SHE: variants seen among roughly 807,000 people sequenced by gnomAD.
SHE encodes SH2 domain-containing adapter protein E.
A neutral mutation model predicts 49.8 loss-of-function variants in SHE; 11 were observed. The ratio of observed to expected loss-of-function variants is 0.22; its 90% CI spans 0.14 to 0.37. SHE has a LOEUF of 0.37. SHE is among the 10% of genes least tolerant of loss of function. The probability of loss-of-function intolerance (pLI) is 1.00; values close to 1 mark genes in which losing one functional copy is unlikely to be tolerated. For synonymous variants in SHE, 310 were observed against 278.1 expected (o/e 1.11, Z -1.14); for missense variants, 624 against 655.5 (o/e 0.95, Z 0.52).
At chr1:154,486,274 C>T (rs1040867064) in intron 4 of SHE, among the ~76,000 whole-genome samples, 2 of 152,194 alleles carry the variant, frequency 1.3e-5, no homozygotes, top group Non-Finnish European at 2.9e-5. Context: ...AGTGAGTTAA[C>T]GGCGCTAGTG....
chr1:154,478,249 G>A (rs1435783739), downstream of SHE, among the ~76,000 whole-genome samples: 4 of 152,068 alleles, frequency 2.6e-5, no homozygotes, highest in African/African-American at 9.7e-5. Flanking sequence ...CTGCTGATGT[G>A]CAACAAATTA....
At chr1:154,476,780 A>G (rs190636768), downstream of SHE, among the ~76,000 whole-genome samples, 78 of 152,348 alleles carry the variant, frequency 5.1e-4, no homozygotes, top group African/African-American at 1.8e-3. Context: ...TAGCTTGATC[A>G]ACAAATTGGC....
chr1:154,478,375 ATGAACAGACAACTCAG>A (rs1462132147), downstream of SHE, among the ~76,000 whole-genome samples: 1 of 151,670 alleles, frequency 6.6e-6, no homozygotes. Context: ...AGCGAAGAAA[ATGAACAGACAACTCAG>A]TCTATGTTTT....
chr1:154,485,459 ACAAT>A (rs1214466181), intron 5 of SHE: 2 of 155,380 alleles, frequency 1.3e-5, no homozygotes, highest in Admixed American at 6.2e-5. Context: ...TTTTCTGTGT[ACAAT>A]CAGACAGAGG....
At chr1:154,475,496 C>T (rs1471189230), downstream of SHE, among the ~76,000 whole-genome samples, 1 of 151,940 alleles carries the variant, frequency 6.6e-6, no homozygotes, top group African/African-American at 2.4e-5. Context: ...CAAACCTCTG[C>T]AATGTTCTAA....
chr1:154,477,888 C>T (rs1691917408), downstream of SHE, among the ~76,000 whole-genome samples: 1 of 66,340 alleles, frequency 1.5e-5, no homozygotes, highest in Non-Finnish European at 3.3e-5. Context: ...AAGACACTGT[C>T]TCAAAAAAAA....
chr1:154,492,232 GCTTTCACA>G (rs1692390102), intron 2 of SHE, among the ~76,000 whole-genome samples: 1 of 151,940 alleles, frequency 6.6e-6, no homozygotes, highest in African/African-American at 2.4e-5. Context: ...TCACCCGCGG[GCTTTCACA>G]CACACTGCTT....
chr1:154,481,790 T>C lies in SHE; in HGVS notation c.*2359A>G. On this transcript the variant is annotated 3_prime_UTR_variant, in exon 6 of 6. Coordinates refer to ENST00000304760, the MANE Select transcript of SHE (RefSeq NM_001010846.3). ...AATCTTACACTAAAGATATAGTAAA[T>C]GAACCAATACACACTGAAAACATTC... is the stretch of plus-strand genomic sequence containing the variant. 3.1e-6 allele frequency: 3 copies of C among 973,110 alleles called. No individual in the cohort carries two copies. The highest frequency in any genetic ancestry group is 2.3e-4 in the East Asian group (2 of 8,766). The allele number at this position is 973,110 out of a possible 1,614,324, so 60.3% of individuals were successfully genotyped here.
intron 2 of SHE, among the ~76,000 whole-genome samples, chr1:154,497,367 C>A (rs2149298708): frequency 6.6e-6 from 1 of 152,294 alleles, no homozygotes; most frequent in African/African-American, 2.4e-5. Flanking sequence ...GGCATGAAAC[C>A]CACAAGAGTC....
At chr1:154,494,869 T>C (rs1692475413) in intron 2 of SHE, among the ~76,000 whole-genome samples, 1 of 152,112 alleles carries the variant, frequency 6.6e-6, no homozygotes, top group Non-Finnish European at 1.5e-5. Flanking sequence ...CTGACCAACA[T>C]GGTGAAACCC....
rs762133658 is a variant in SHE, at chr1:154,489,406, T to G, written c.719-50A>C. On this transcript the variant is annotated intron_variant, in intron 2 of 5. Transcript: ENST00000304760. The stretch of plus-strand genomic sequence containing the variant: ...AAAACACACACCATACACAATGTCT[T>G]GAAAGCAAAGATGCCATAAAAGCCT... 1.6e-5 allele frequency: 25 copies of G among 1,570,456 alleles called. No individual in the cohort carries two copies. The South Asian group carries it at 2.7e-4, about 17-fold the overall frequency.
intron 2 of SHE, among the ~76,000 whole-genome samples, chr1:154,495,907 GTTCA>G (rs1294634882): frequency 1.3e-5 from 2 of 152,166 alleles, no homozygotes; most frequent in Non-Finnish European, 2.9e-5. Context: ...GTTCAACTGT[GTTCA>G]TTAAAATCCT....
chr1:154,492,031 G>A (rs1242917131), intron 2 of SHE, among the ~76,000 whole-genome samples: 5 of 152,140 alleles, frequency 3.3e-5, no homozygotes, highest in African/African-American at 4.8e-5. Context: ...GGGATGGTCC[G>A]TGGAGAAATG....
chr1:154,487,486 GAGA>G (rs1405807879), intron 3 of SHE, among the ~76,000 whole-genome samples: 1 of 152,016 alleles, frequency 6.6e-6, no homozygotes. Context: ...CTAGGCTGGA[GAGA>G]AGGAGATGAA....
intron 1 of SHE, among the ~76,000 whole-genome samples, chr1:154,471,805 T>C (rs752320885): frequency 3.9e-5 from 6 of 152,122 alleles, no homozygotes; most frequent in Non-Finnish European, 1.5e-5. Context: ...CTGCCCAATG[T>C]CCTGAAAAAA....
At chr1:154,487,556 C>T (rs140778389) in intron 3 of SHE, among the ~76,000 whole-genome samples, 5 of 151,730 alleles carry the variant, frequency 3.3e-5, no homozygotes, top group South Asian at 4.2e-4. Context: ...TCAAATCAAA[C>T]GAAACTGACT....
At chr1:154,486,721 C>G (rs4845633) in intron 3 of SHE, 38 bp from the exon 4 acceptor site, 1,602,075 of 1,611,718 alleles carry the variant, frequency 0.99, 796,710 homozygotes, top group East Asian at 1. Context: ...CAGGCCACTG[C>G]GGTGACCCAT....
At chr1:154,495,771 C>T (rs753863340) in intron 2 of SHE, among the ~76,000 whole-genome samples, 23 of 151,876 alleles carry the variant, frequency 1.5e-4, no homozygotes, top group South Asian at 1.2e-3. Flanking sequence ...GTTGGGTATT[C>T]TAAAACAACA....
chr1:154,475,119 G>T (rs1213779906), downstream of SHE, among the ~76,000 whole-genome samples: 1 of 152,190 alleles, frequency 6.6e-6, no homozygotes, highest in Non-Finnish European at 1.5e-5. Flanking sequence ...TACAGGGGAG[G>T]GCTGAGGGCA....
Sources: allele counts gnomAD v4.1 joint callset (sites outside exome capture counted in the v4.1 genomes callset), GRCh38; gene constraint gnomAD v4.1.1; transcripts MANE v1.5; gene names NCBI Gene and HGNC (gene_info 2026-07-23, HGNC 2026-07-21).